Variants in DPP10 observed in about 807,000 individuals in gnomAD.
DPP10 encodes the protein dipeptidyl peptidase like 10.
Under a neutral mutation model 120.9 loss-of-function variants are expected in DPP10, and 33 were observed. The observed-to-expected ratio is 0.27, with a 90% confidence interval of 0.21 to 0.37. The LOEUF (loss-of-function observed/expected upper bound fraction) is 0.37. DPP10 is among the 10% of genes least tolerant of loss of function. The probability of loss-of-function intolerance (pLI) is 1.00; values close to 1 mark genes in which losing one functional copy is unlikely to be tolerated. For missense variants in DPP10, 816 were observed against 942.8 expected (o/e 0.87, Z 1.76); for synonymous variants, 337 against 326.1 (o/e 1.03, Z -0.36).
intron 10 of DPP10, among the ~76,000 whole-genome samples, chr2:115,750,603 G>A (rs1471800113): frequency 1.3e-5 from 2 of 152,140 alleles, no homozygotes; most frequent in Non-Finnish European, 2.9e-5. Context: ...TTTAAAAACA[G>A]ACACAATAAT....
intron 13 of DPP10, among the ~76,000 whole-genome samples, chr2:115,772,425 G>T (rs1681586192): frequency 6.6e-6 from 1 of 152,110 alleles, no homozygotes; most frequent in Non-Finnish European, 1.5e-5. Flanking sequence ...TGTATTTCCA[G>T]ATCACTTTCA....
intron 1 of DPP10, among the ~76,000 whole-genome samples, chr2:114,668,896 C>T (rs1698131171): frequency 6.6e-6 from 1 of 152,018 alleles, no homozygotes; most frequent in African/African-American, 2.4e-5. Context: ...TTTTTACATA[C>T]ATGTAATGAA....
intron 1 of DPP10, among the ~76,000 whole-genome samples, chr2:115,058,303 A>G (rs75964159): frequency 2.2e-5 from 3 of 136,858 alleles, no homozygotes; most frequent in East Asian, 2.2e-4. Context: ...AAAAAAAAAA[A>G]GGCACACTCC....
chr2:115,842,531 G>T lies in DPP10; in HGVS notation c.*186G>T, dbSNP rs986778446. On this transcript the variant is annotated 3_prime_UTR_variant, in exon 26 of 26. Coordinates refer to ENST00000410059, the MANE Select transcript of DPP10 (RefSeq NM_020868.6). ...GTCCAAGTCTACTGTGTTGCTAGGGGTGCAGAACCCGTTTCTTTGTATGAG... is the reference window on the plus strand; with the variant it reads ...GTCCAAGTCTACTGTGTTGCTAGGGTTGCAGAACCCGTTTCTTTGTATGAG... 2 of 579,638 alleles carry T rather than the reference G, an allele frequency of 3.5e-6. No homozygotes were observed. The highest frequency in any genetic ancestry group is 2.6e-6 in the Non-Finnish European group (1 of 377,406). The allele number at this position is 579,638 out of a possible 1,614,324, so 35.9% of individuals were successfully genotyped here.
intron 3 of DPP10, among the ~76,000 whole-genome samples, chr2:115,407,501 C>T (rs1241727736): frequency 1.3e-5 from 2 of 152,070 alleles, no homozygotes; most frequent in Admixed American, 1.3e-4. Flanking sequence ...GGCCATTGTC[C>T]AAGGCTCTGT....
chr2:114,508,135 T>C (rs918069532), intron 1 of DPP10, among the ~76,000 whole-genome samples: 5 of 152,172 alleles, frequency 3.3e-5, no homozygotes, highest in African/African-American at 1.2e-4. Context: ...TGTATTTATT[T>C]TGATGTACAA....
intron 3 of DPP10, among the ~76,000 whole-genome samples, chr2:115,448,251 G>A (rs569003963): frequency 6.6e-6 from 1 of 152,244 alleles, no homozygotes; most frequent in Non-Finnish European, 1.5e-5. Context: ...ACTCGGGATA[G>A]AGAAAGAAGC....
At chr2:114,568,698 G>A (rs6746835) in intron 1 of DPP10, among the ~76,000 whole-genome samples, 44,889 of 152,078 alleles carry the variant, frequency 0.3, 8,259 homozygotes, top group African/African-American at 0.53. Context: ...ATAAGTAAAC[G>A]CGATCATATT....
chr2:114,995,037 C>A (rs2104954284), intron 1 of DPP10, among the ~76,000 whole-genome samples: 1 of 152,224 alleles, frequency 6.6e-6, no homozygotes, highest in East Asian at 1.9e-4. Context: ...CTCACTTTAG[C>A]CAGTGGGATG....
chr2:114,468,259 G>C (rs1679583888), intron 1 of DPP10, among the ~76,000 whole-genome samples: 1 of 152,138 alleles, frequency 6.6e-6, no homozygotes, highest in South Asian at 2.1e-4. Context: ...TTTTGAGGGA[G>C]TGAGATGTCA....
chr2:115,170,879 A>C (rs1234507785), intron 1 of DPP10, among the ~76,000 whole-genome samples: 1 of 152,144 alleles, frequency 6.6e-6, no homozygotes, highest in Non-Finnish European at 1.5e-5. Context: ...TGGCATGATG[A>C]GTGGCTCATT....
chr2:115,666,400 A>G (rs894062811), intron 5 of DPP10, among the ~76,000 whole-genome samples: 13 of 152,048 alleles, frequency 8.5e-5, no homozygotes, highest in African/African-American at 3.1e-4. Flanking sequence ...TCTCATGAGA[A>G]CTCGCTCACT....
At chr2:115,751,027 G>T (rs1575674993) in intron 10 of DPP10, among the ~76,000 whole-genome samples, 1 of 152,142 alleles carries the variant, frequency 6.6e-6, no homozygotes, top group South Asian at 2.1e-4. Flanking sequence ...TATTAGAAAA[G>T]CAACTATATA....
chr2:115,178,523 G>A (rs1016827865), intron 1 of DPP10, among the ~76,000 whole-genome samples: 4 of 152,060 alleles, frequency 2.6e-5, no homozygotes, highest in Non-Finnish European at 5.9e-5. Context: ...TACTTTACTG[G>A]TCAACCACAA....
At chr2:114,588,052 A>C (rs1691150559) in intron 1 of DPP10, among the ~76,000 whole-genome samples, 1 of 152,256 alleles carries the variant, frequency 6.6e-6, no homozygotes, top group African/African-American at 2.4e-5. Flanking sequence ...CTATTTTAGC[A>C]CAAAATAATA....
chr2:115,007,940 A>C (rs1443654338), intron 1 of DPP10, among the ~76,000 whole-genome samples: 11 of 152,218 alleles, frequency 7.2e-5, no homozygotes, highest in Non-Finnish European at 1.6e-4. Context: ...ATACAAACAA[A>C]TGGAAGAACA....
intron 1 of DPP10, among the ~76,000 whole-genome samples, chr2:114,643,536 T>C (rs1695873133): frequency 6.6e-6 from 1 of 151,894 alleles, no homozygotes; most frequent in Non-Finnish European, 1.5e-5. Context: ...AAGCCTTCCA[T>C]AGCTCCATCT....
chr2:115,596,551 G>A (rs2083001118), intron 5 of DPP10, among the ~76,000 whole-genome samples: 1 of 152,058 alleles, frequency 6.6e-6, no homozygotes, highest in South Asian at 2.1e-4. Flanking sequence ...CAGTATTTTA[G>A]ACTATCAGTC....
At chr2:114,932,097 C>T (rs1225599692) in intron 1 of DPP10, among the ~76,000 whole-genome samples, 2 of 152,160 alleles carry the variant, frequency 1.3e-5, no homozygotes, top group Non-Finnish European at 2.9e-5. Flanking sequence ...GTGTCGTCCC[C>T]AGAAAAGCAG....
Sources: allele counts gnomAD v4.1 joint callset (sites outside exome capture counted in the v4.1 genomes callset), GRCh38; gene constraint gnomAD v4.1.1; transcripts MANE v1.5; gene names NCBI Gene and HGNC (gene_info 2026-07-23, HGNC 2026-07-21).